Variants in RPS6KA5 observed in about 807,000 individuals in gnomAD.
RPS6KA5 encodes the protein ribosomal protein S6 kinase alpha-5.
Under a neutral mutation model 85.5 loss-of-function variants are expected in RPS6KA5, and 27 were observed. The ratio of observed to expected loss-of-function variants is 0.32; its 90% CI spans 0.23 to 0.44. The LOEUF (loss-of-function observed/expected upper bound fraction) is 0.44. Among genes scored for constraint, RPS6KA5 ranks in the 20% least tolerant of loss-of-function variants. RPS6KA5 has a pLI of 1.00. For synonymous variants in RPS6KA5, 334 were observed against 348.2 expected, an observed-to-expected ratio of 0.96 and a Z score of 0.46; for missense variants, 811 against 980.9, an observed-to-expected ratio of 0.83 and a Z score of 2.31.
At chr14:90,910,944 C>CA (rs2035785901) in intron 7 of RPS6KA5, among the ~76,000 whole-genome samples, 1 of 152,130 alleles carries the variant, frequency 6.6e-6, no homozygotes, top group Non-Finnish European at 1.5e-5. Context: ...CTCGGCCTCC[C>CA]AAAGTGCTGG....
At chr14:91,051,065 C>T (rs1291022298) in intron 1 of RPS6KA5, among the ~76,000 whole-genome samples, 3 of 150,714 alleles carry the variant, frequency 2.0e-5, no homozygotes. Flanking sequence ...CCACCTCTAC[C>T]AAAAAATACA....
intron 1 of RPS6KA5, among the ~76,000 whole-genome samples, chr14:91,024,878 A>AT (rs202084288): frequency 8.0e-5 from 12 of 150,302 alleles, no homozygotes; most frequent in Admixed American, 6.0e-4. Flanking sequence ...CATAGAGCCA[A>AT]TTTTTTTTTT....
intron 1 of RPS6KA5, among the ~76,000 whole-genome samples, chr14:91,031,662 T>A (rs1566886479): frequency 6.6e-6 from 1 of 151,896 alleles, no homozygotes; most frequent in East Asian, 1.9e-4. Context: ...GAAAGCTAAG[T>A]GAATGAAAAG....
chr14:91,012,674 T>C (rs1340126660), intron 1 of RPS6KA5, among the ~76,000 whole-genome samples: 1 of 152,206 alleles, frequency 6.6e-6, no homozygotes, highest in African/African-American at 2.4e-5. Context: ...TTTTATGCAC[T>C]GCAATAATCC....
chr14:90,878,388 G>A (rs1270129985), intron 14 of RPS6KA5, among the ~76,000 whole-genome samples: 2 of 152,022 alleles, frequency 1.3e-5, no homozygotes, highest in Non-Finnish European at 2.9e-5. Context: ...CCCCTTCCTC[G>A]GATGCCAGGA....
intron 3 of RPS6KA5, among the ~76,000 whole-genome samples, chr14:90,960,824 A>G (rs2038758662): frequency 6.6e-6 from 1 of 152,216 alleles, no homozygotes; most frequent in African/African-American, 2.4e-5. Context: ...TTTAAAGCCA[A>G]TATTGTTTTT....
intron 5 of RPS6KA5, among the ~76,000 whole-genome samples, chr14:90,935,215 G>A (rs370542180): frequency 6.6e-6 from 1 of 152,142 alleles, no homozygotes; most frequent in Non-Finnish European, 1.5e-5. Context: ...CTTGAGATAC[G>A]TACATTATAA....
Position 90,920,325 on chromosome 14 carries a change from A to T in RPS6KA5, c.703-16T>A. 1 of 1,468,428 alleles carries T rather than the reference A, an allele frequency of 6.8e-7. No homozygotes were observed. Among genetic ancestry groups the T allele is most frequent in the Non-Finnish European group, 9.5e-7 (1 of 1,057,238 alleles). 91.0% of individuals were successfully genotyped at this position (1,468,428 alleles called of 1,614,324 possible). On this transcript the variant is annotated splice_polypyrimidine_tract_variant and intron_variant, in intron 6 of 16. Transcript: ENST00000614987. ...AGTCAACTGCCTATAAAACAACAAT[A>T]ATTTCATTTTATAGAATTATCAACT...
intron 5 of RPS6KA5, among the ~76,000 whole-genome samples, chr14:90,927,679 A>G (rs1474948279): frequency 6.6e-6 from 1 of 152,106 alleles, no homozygotes; most frequent in Non-Finnish European, 1.5e-5. Flanking sequence ...TATCCTCAAA[A>G]ATTTGTGAAA....
chr14:90,914,670 CA>C (rs932296441), intron 7 of RPS6KA5, among the ~76,000 whole-genome samples: 6 of 152,132 alleles, frequency 3.9e-5, no homozygotes, highest in Non-Finnish European at 7.3e-5. Context: ...GGGAGTGCCT[CA>C]GAGCAATTAA....
intron 1 of RPS6KA5, among the ~76,000 whole-genome samples, chr14:91,015,466 A>G (rs1456376071): frequency 6.6e-6 from 1 of 152,212 alleles, no homozygotes; most frequent in Non-Finnish European, 1.5e-5. Context: ...TTTGAATTAC[A>G]CTTTTCATAC....
chr14:91,060,395 TC>T lies in RPS6KA5; in HGVS notation c.39del (p.Thr14ProfsTer24). 2 of 1,508,508 alleles carry T rather than the reference TC, an allele frequency of 1.3e-6. No homozygotes were observed. Among genetic ancestry groups the T allele is most frequent in the Non-Finnish European group, 1.8e-6 (2 of 1,122,838 alleles). The allele number at this position is 1,508,508 out of a possible 1,614,324, so 93.4% of individuals were successfully genotyped here. On this transcript the variant is annotated frameshift_variant, in exon 1 of 17. Coordinates refer to ENST00000614987, the MANE Select transcript of RPS6KA5 (RefSeq NM_004755.4). LOFTEE classifies it high-confidence loss of function. ...CCTCCGTCGCCGCCGTCCGCGCTGG[TC>T]CCCGCGGCGCCGCCGCTGCTGCCAC... ...EEGGSSGGAA[G>X]TSADGGDGGE...
Position 90,923,110 on chromosome 14 carries a change from T to C in RPS6KA5, c.702+3A>G, listed in dbSNP as rs1377917757. ...ATAAAGAAGCATCAAAAATAGAACA[T>C]ACCTTGTCATGTCCTGAATCTCCCC... On this transcript the variant is annotated splice_donor_region_variant and intron_variant, in intron 6 of 16. Coordinates refer to ENST00000614987, the MANE Select transcript of RPS6KA5 (RefSeq NM_004755.4). 1.9e-6 allele frequency: 3 copies of C among 1,600,876 alleles called. No individual in the cohort carries two copies. Among genetic ancestry groups the C allele is most frequent in the Admixed American group, 1.7e-5 (1 of 59,764 alleles).
At chr14:90,987,735 T>A (rs1267335269) in intron 2 of RPS6KA5, among the ~76,000 whole-genome samples, 1 of 150,910 alleles carries the variant, frequency 6.6e-6, no homozygotes, top group East Asian at 1.9e-4. Flanking sequence ...ACAAAGGATA[T>A]CCACATAAGG....
Position 90,850,347 on chromosome 14 carries a change from T to C in RPS6KA5, c.*21727A>G, listed in dbSNP as rs1254396739. ...ATTTTAAAAATAGACATCCTTTCCC[T>C]TCTTGCTCCCTCCCATAAATACTAA... On this transcript the variant is annotated 3_prime_UTR_variant, in exon 17 of 17. Transcript: ENST00000614987. 6.6e-6 allele frequency: 1 copy of C among 152,070 alleles called. No individual in the cohort carries two copies. The highest frequency in any genetic ancestry group is 1.5e-5 in the Non-Finnish European group (1 of 68,018). The allele number at this position is 152,070 out of a possible 1,614,324, so 9.4% of individuals were successfully genotyped here. A position where few individuals can be genotyped will look rare whatever the true frequency, so the allele number is the denominator to read the frequency against.
chr14:90,953,258 T>C (rs1412757057), intron 3 of RPS6KA5, among the ~76,000 whole-genome samples: 1 of 152,250 alleles, frequency 6.6e-6, no homozygotes, highest in East Asian at 1.9e-4. Flanking sequence ...TCTCTGAACA[T>C]AAATTGTGAA....
chr14:91,060,577 T>A lies in RPS6KA5; in HGVS notation c.-143A>T. On this transcript the variant is annotated 5_prime_UTR_variant, in exon 1 of 17. Transcript: ENST00000614987. ...ACTCGGACGCAAAGACGAGTCTCTT[T>A]CCCGCTCTGGCCGCACGGCTCGCTC... 1 of 1,109,108 alleles carries A rather than the reference T, an allele frequency of 9.0e-7. No individual in the cohort carries two copies. The highest frequency in any genetic ancestry group is 3.8e-5 in the South Asian group (1 of 26,348). The allele number at this position is 1,109,108 out of a possible 1,614,324, so 68.7% of individuals were successfully genotyped here. A position where few individuals can be genotyped will look rare whatever the true frequency, so the allele number is the denominator to read the frequency against.
chr14:91,006,853 G>A (rs983980528), intron 1 of RPS6KA5, among the ~76,000 whole-genome samples: 6 of 152,174 alleles, frequency 3.9e-5, no homozygotes, highest in Admixed American at 3.9e-4. Flanking sequence ...ATGGGCATGA[G>A]CCACCGCACC....
chr14:90,856,024 T>C lies in RPS6KA5; in HGVS notation c.*16050A>G, dbSNP rs1392282374. 1 of 152,172 alleles carries C rather than the reference T, an allele frequency of 6.6e-6. No homozygotes were observed. The highest frequency in any genetic ancestry group is 1.5e-5 in the Non-Finnish European group (1 of 68,046). 9.4% of individuals were successfully genotyped at this position (152,172 alleles called of 1,614,324 possible). A position where few individuals can be genotyped will look rare whatever the true frequency, so the allele number is the denominator to read the frequency against. ...AGTCCCAAAGTAAGAAATTAAACTT[T>C]AGGGCAAAGATACAAGTAATGATAA... On this transcript the variant is annotated 3_prime_UTR_variant, in exon 17 of 17. Transcript: ENST00000614987.
Sources: gnomAD v4.1 joint callset for allele counts (sites outside exome capture counted in the v4.1 genomes callset) on GRCh38, gnomAD v4.1.1 for gene constraint, MANE v1.5 for transcripts, NCBI Gene and HGNC (gene_info 2026-07-23, HGNC 2026-07-21) for gene names.